Variants in BAIAP2L1 observed in about 807,000 individuals in gnomAD.
The protein encoded by BAIAP2L1 is BAR/IMD domain containing adaptor protein 2 like 1, also known as BAR/IMD domain-containing adapter protein 2-like 1.
A neutral mutation model predicts 66.3 loss-of-function variants in BAIAP2L1; 35 were observed. That is an observed-to-expected ratio of 0.53 (90% confidence interval 0.40 to 0.70). BAIAP2L1 has a LOEUF of 0.70. Ranked by LOEUF, BAIAP2L1 falls within the 30% of genes least tolerant of loss-of-function variation. The pLI, the probability that BAIAP2L1 is intolerant of heterozygous loss-of-function variation, is 0.00. For synonymous variants in BAIAP2L1, 269 were observed against 248.7 expected, an observed-to-expected ratio of 1.08 and a Z score of -0.77; for missense variants, 622 against 656.9, an observed-to-expected ratio of 0.95 and a Z score of 0.58.
intron 3 of BAIAP2L1, among the ~76,000 whole-genome samples, chr7:98,339,809 A>C (rs1262013769): frequency 6.6e-6 from 1 of 152,200 alleles, no homozygotes; most frequent in Non-Finnish European, 1.5e-5. Context: ...GGTGCTGTGA[A>C]AAAGTTAGAA....
intron 3 of BAIAP2L1, among the ~76,000 whole-genome samples, chr7:98,321,171 T>C (rs747229683): frequency 1.3e-4 from 20 of 152,212 alleles, no homozygotes; most frequent in Non-Finnish European, 2.8e-4. Flanking sequence ...CGTGGCCCTT[T>C]CTATATGCAC....
intron 3 of BAIAP2L1, among the ~76,000 whole-genome samples, chr7:98,326,150 G>A (rs1801377277): frequency 6.6e-6 from 1 of 152,114 alleles, no homozygotes; most frequent in Non-Finnish European, 1.5e-5. Context: ...GGTGGTGTGT[G>A]CCTGTGGTCC....
intron 6 of BAIAP2L1, among the ~76,000 whole-genome samples, chr7:98,315,846 G>C (rs188682471): frequency 1.3e-5 from 2 of 152,218 alleles, no homozygotes; most frequent in African/African-American, 2.4e-5. Flanking sequence ...ACATTCCCAC[G>C]GGGCAATTTG....
chr7:98,328,399 G>A lies in BAIAP2L1; in HGVS notation c.215-8101C>T, dbSNP rs115827195. On this transcript the variant is annotated intron_variant, in intron 3 of 13. Transcript: ENST00000005260. Reference sequence around the variant, plus strand: ...GGCCTCTTAGTACCTGTGCATCCCCGGGAAGTTCCCTAACCTCTTTCTGCA... The same window carrying A: ...GGCCTCTTAGTACCTGTGCATCCCCAGGAAGTTCCCTAACCTCTTTCTGCA... Among the ~76,000 whole-genome samples the A allele has an allele frequency of 1.5e-3, 233 of 152,242 alleles. 1 individual carries two copies. Among genetic ancestry groups the A allele is most frequent in the African/African-American group, 5.3e-3 (222 of 41,540 alleles).
chr7:98,302,919 G>A (rs972207098), intron 12 of BAIAP2L1, among the ~76,000 whole-genome samples: 1 of 152,066 alleles, frequency 6.6e-6, no homozygotes, highest in African/African-American at 2.4e-5. Context: ...TGAACAGCTG[G>A]GACTACAGAC....
At chr7:98,382,418 G>C (rs1418560499) in intron 1 of BAIAP2L1, among the ~76,000 whole-genome samples, 1 of 152,146 alleles carries the variant, frequency 6.6e-6, no homozygotes, top group Non-Finnish European at 1.5e-5. Context: ...AGCCAAGGCA[G>C]GAGGATTGCT....
intron 1 of BAIAP2L1, among the ~76,000 whole-genome samples, chr7:98,391,580 C>A (rs966213634): frequency 5.9e-5 from 9 of 151,880 alleles, no homozygotes; most frequent in African/African-American, 1.9e-4. Flanking sequence ...GGCATGGTGG[C>A]GGGCACCTGT....
At chr7:98,297,798 TCAG>T (rs1800252742) in intron 12 of BAIAP2L1, among the ~76,000 whole-genome samples, 1 of 152,202 alleles carries the variant, frequency 6.6e-6, no homozygotes, top group African/African-American at 2.4e-5. Context: ...CTGGCGGCTC[TCAG>T]GAGGGGCTCA....
rs1406909573 is a variant in BAIAP2L1, at chr7:98,357,049, A to ATATAT, written c.128-1922_128-1921insATATA. 7.5e-3 allele frequency among the ~76,000 whole-genome samples: 95 copies of ATATAT among 12,610 alleles called. 1 individual carries two copies. The highest frequency in any genetic ancestry group is 0.016 in the South Asian group (2 of 128). The allele number at this position is 12,610 out of a possible 152,430, so 8.3% of individuals were successfully genotyped here. A position where few individuals can be genotyped will look rare whatever the true frequency, so the allele number is the denominator to read the frequency against. On this transcript the variant is annotated intron_variant, in intron 2 of 13. Transcript: ENST00000005260. ...TATATATATATATATATATATATAT[A>ATATAT]TTTTTTTTTTTTTTTTTTTAAGAGT...
chr7:98,345,960 A>G (rs1801864386), intron 3 of BAIAP2L1, among the ~76,000 whole-genome samples: 1 of 152,170 alleles, frequency 6.6e-6, no homozygotes, highest in Non-Finnish European at 1.5e-5. Flanking sequence ...GATGTACAGC[A>G]AATGAATGGT....
chr7:98,385,728 C>CTTT (rs112286286), intron 1 of BAIAP2L1: 106 of 1,087,120 alleles, frequency 9.8e-5, no homozygotes, highest in South Asian at 1.8e-4. Context: ...ATCAACATTT[C>CTTT]TTTTTTTTGT....
intron 2 of BAIAP2L1, among the ~76,000 whole-genome samples, chr7:98,358,360 GT>G (rs1193714783): frequency 3.0e-4 from 44 of 145,226 alleles, no homozygotes; most frequent in Admixed American, 4.8e-4. Flanking sequence ...TTAGTTTTTT[GT>G]TTTTTTTTTT....
chr7:98,369,663 A>ATT lies in BAIAP2L1; in HGVS notation c.52-7233_52-7232dup, dbSNP rs71112146. Reference sequence around the variant, plus strand: ...GAGGAAAGTCTCATTTGATTTCCTAATTTTTTTTTTTTTTTTTTTTTTTTT... The same window carrying ATT: ...GAGGAAAGTCTCATTTGATTTCCTAATTTTTTTTTTTTTTTTTTTTTTTTTTT... On this transcript the variant is annotated intron_variant, in intron 1 of 13. Coordinates refer to ENST00000005260, the MANE Select transcript of BAIAP2L1 (RefSeq NM_018842.5). Among the ~76,000 whole-genome samples the ATT allele has an allele frequency of 5.0e-4, 52 of 103,850 alleles. 1 individual carries two copies. The highest frequency in any genetic ancestry group is 1.9e-3 in the African/African-American group (48 of 24,790). The allele number at this position is 103,850 out of a possible 152,430, so 68.1% of individuals were successfully genotyped here.
intron 1 of BAIAP2L1, among the ~76,000 whole-genome samples, chr7:98,369,253 G>A (rs865778479): frequency 1.3e-5 from 2 of 152,144 alleles, no homozygotes; most frequent in Non-Finnish European, 2.9e-5. Context: ...GAGGCCGAGG[G>A]AGGTGGGCTG....
intron 13 of BAIAP2L1, 62 bp downstream of exon 13, chr7:98,294,012 G>A (rs528720522): frequency 1.6e-5 from 25 of 1,569,172 alleles, no homozygotes; most frequent in African/African-American, 5.4e-5. Context: ...AGGCCCTTCC[G>A]GGGGACACTA....
intron 3 of BAIAP2L1, among the ~76,000 whole-genome samples, chr7:98,340,268 A>T (rs1487437211): frequency 6.6e-6 from 1 of 152,116 alleles, no homozygotes; most frequent in African/African-American, 2.4e-5. Context: ...TCAATGATTC[A>T]GCTTCTACAT....
chr7:98,355,292 G>A (rs746647731), intron 2 of BAIAP2L1, 164 bp from the exon 3 acceptor site: 19 of 622,970 alleles, frequency 3.0e-5, no homozygotes, highest in Non-Finnish European at 5.0e-5. Context: ...GAGTGGTGCC[G>A]GGGTGGAGGC....
intron 3 of BAIAP2L1, among the ~76,000 whole-genome samples, chr7:98,340,748 T>C (rs1191821688): frequency 1.3e-4 from 19 of 151,660 alleles, no homozygotes; most frequent in Non-Finnish European, 2.5e-4. Flanking sequence ...CTTACACCAA[T>C]GCGCCTACAC....
At chr7:98,376,745 T>C (rs1383652129) in intron 1 of BAIAP2L1, among the ~76,000 whole-genome samples, 1 of 150,390 alleles carries the variant, frequency 6.6e-6, no homozygotes, top group East Asian at 2.0e-4. Context: ...GGCAGGAGAA[T>C]CACTTGAACC....
Sources: gnomAD v4.1 joint callset for allele counts (sites outside exome capture counted in the v4.1 genomes callset) on GRCh38, gnomAD v4.1.1 for gene constraint, MANE v1.5 for transcripts, NCBI Gene and HGNC (gene_info 2026-07-23, HGNC 2026-07-21) for gene names.